The following SNTG2 variants were observed in gnomAD, a reference collection of about 807,000 sequenced individuals.
SNTG2 encodes gamma-2-syntrophin.
In SNTG2, 74 loss-of-function variants were observed where a neutral mutation model predicts 70.9. That is an observed-to-expected ratio of 1.04 (90% confidence interval 0.86 to 1.27). The LOEUF is 1.27. Ranked by LOEUF, SNTG2 falls within the 50% of genes most tolerant of loss-of-function variation. SNTG2 has a pLI of 0.00. For missense variants in SNTG2, 717 were observed against 690.7 expected (o/e 1.04, Z -0.43); for synonymous variants, 278 against 273.8 (o/e 1.02, Z -0.15).
At chr2:1,204,724 C>A (rs1297083776) in intron 8 of SNTG2, among the ~76,000 whole-genome samples, 2 of 152,146 alleles carry the variant, frequency 1.3e-5, no homozygotes, top group Admixed American at 6.5e-5. Context: ...AGTTGTTAAT[C>A]TCTTACGGGG....
intron 14 of SNTG2, among the ~76,000 whole-genome samples, chr2:1,290,330 T>C (rs1251736007): frequency 6.6e-6 from 1 of 151,584 alleles, no homozygotes; most frequent in South Asian, 2.1e-4. Context: ...TTTTTTTTTT[T>C]TTGAGATGAA....
chr2:1,007,012 G>A (rs796235146), intron 1 of SNTG2, among the ~76,000 whole-genome samples: 43 of 151,620 alleles, frequency 2.8e-4, no homozygotes, highest in African/African-American at 8.0e-4. Context: ...CTGGGCAACA[G>A]AGCGAAACTC....
At chr2:997,886 A>G (rs539257225) in intron 1 of SNTG2, among the ~76,000 whole-genome samples, 13 of 152,248 alleles carry the variant, frequency 8.5e-5, no homozygotes, top group African/African-American at 2.9e-4. Flanking sequence ...GAACTACACA[A>G]CCCATTACAA....
At chr2:1,242,714 A>G (rs1677128800) in intron 11 of SNTG2, 2 of 152,142 alleles carry the variant, frequency 1.3e-5, no homozygotes, top group Admixed American at 6.5e-5. Flanking sequence ...CCTAAATAAC[A>G]CAGGTAATTC....
chr2:1,054,321 C>G (rs4327261), intron 1 of SNTG2, among the ~76,000 whole-genome samples: 123,927 of 151,896 alleles, frequency 0.82, 51,171 homozygotes, highest in Middle Eastern at 0.91. Context: ...AGCATCTTCA[C>G]GGCACCAGGA....
intron 4 of SNTG2, among the ~76,000 whole-genome samples, chr2:1,114,496 G>A (rs13397036): frequency 0.034 from 5,136 of 151,416 alleles, 314 homozygotes; most frequent in African/African-American, 0.12. Context: ...GTCCTTTGAG[G>A]AGAATCATGT....
chr2:1,121,211 A>G (rs1667353280), intron 4 of SNTG2, among the ~76,000 whole-genome samples: 1 of 152,138 alleles, frequency 6.6e-6, no homozygotes, highest in South Asian at 2.1e-4. Context: ...TGAGACAAAC[A>G]ACAACAGAAA....
chr2:1,082,483 A>G (rs1477839992), intron 1 of SNTG2, among the ~76,000 whole-genome samples: 3 of 152,152 alleles, frequency 2.0e-5, no homozygotes, highest in Non-Finnish European at 4.4e-5. Flanking sequence ...TCCGTGGGCC[A>G]GGCTCTGCCC....
intron 1 of SNTG2, among the ~76,000 whole-genome samples, chr2:1,073,830 A>T (rs993417567): frequency 2.0e-5 from 3 of 152,228 alleles, no homozygotes; most frequent in Non-Finnish European, 4.4e-5. Context: ...CATTCTTTTC[A>T]TTAACAAATA....
At chr2:1,162,989 A>G (rs73169991) in intron 6 of SNTG2, among the ~76,000 whole-genome samples, 7,602 of 152,266 alleles carry the variant, frequency 0.05, 640 homozygotes, top group African/African-American at 0.17. Flanking sequence ...CAGCCGGCAG[A>G]AGAGGCCTGA....
In SNTG2 at chr2:1,188,583, CAT is replaced by C. The variant is rs747273918; in HGVS notation, c.591+15401_591+15402del. 9.3e-4 allele frequency among the ~76,000 whole-genome samples: 141 copies of C among 152,070 alleles called. 3 individuals are homozygous for C. The highest frequency in any genetic ancestry group is 2.6e-4 in the Non-Finnish European group (18 of 68,002). On this transcript the variant is annotated intron_variant, in intron 8 of 16. Transcript: ENST00000308624. ...TAATAATGAGCAATACCAGAAAACA[CAT>C]GTTAAGACAAAGTGCATTGTTAAAC...
At chr2:1,183,049 C>T (rs910064685) in intron 8 of SNTG2, among the ~76,000 whole-genome samples, 1 of 152,218 alleles carries the variant, frequency 6.6e-6, no homozygotes, top group Non-Finnish European at 1.5e-5. Flanking sequence ...GCCATGGCAC[C>T]TGACCTAATC....
chr2:1,153,064 C>T (rs1176229486), intron 6 of SNTG2, among the ~76,000 whole-genome samples: 1 of 151,258 alleles, frequency 6.6e-6, no homozygotes, highest in Non-Finnish European at 1.5e-5. Flanking sequence ...GCGGAGGTTG[C>T]AGTGAGTCGA....
chr2:1,023,996 G>C (rs1423049895), intron 1 of SNTG2, among the ~76,000 whole-genome samples: 1 of 152,154 alleles, frequency 6.6e-6, no homozygotes, highest in South Asian at 2.1e-4. Context: ...TAGAACAGGG[G>C]TTGGCGAACC....
At chr2:1,332,800 A>T (rs548055171) in intron 16 of SNTG2, among the ~76,000 whole-genome samples, 42 of 152,304 alleles carry the variant, frequency 2.8e-4, no homozygotes, top group Middle Eastern at 3.4e-3. Flanking sequence ...TAGAAAGGAC[A>T]TGACTTTAGG....
At chr2:1,056,197 T>TA (rs60263530) in intron 1 of SNTG2, among the ~76,000 whole-genome samples, 20,158 of 134,094 alleles carry the variant, frequency 0.15, 2,376 homozygotes, top group East Asian at 0.47. Flanking sequence ...TTGAATAAGT[T>TA]AAGGAAAGTG....
chr2:1,250,735 C>A (rs1677706664), intron 12 of SNTG2, among the ~76,000 whole-genome samples: 1 of 151,278 alleles, frequency 6.6e-6, no homozygotes, highest in South Asian at 2.1e-4. Flanking sequence ...CTCTCTTTGT[C>A]TTTCTCTCTG....
intron 1 of SNTG2, among the ~76,000 whole-genome samples, chr2:973,710 C>T (rs1660821313): frequency 6.6e-6 from 1 of 151,972 alleles, no homozygotes; most frequent in Non-Finnish European, 1.5e-5. Context: ...TTCTGTTCTT[C>T]CTTTTTCATT....
intron 9 of SNTG2, among the ~76,000 whole-genome samples, chr2:1,234,715 G>A (rs1279134124): frequency 6.6e-6 from 1 of 152,190 alleles, no homozygotes; most frequent in Non-Finnish European, 1.5e-5. Context: ...CTGCCTCAGG[G>A]GGCAAAGCTG....
Sources: gnomAD v4.1 joint callset for allele counts (sites outside exome capture counted in the v4.1 genomes callset) on GRCh38, gnomAD v4.1.1 for gene constraint, MANE v1.5 for transcripts, NCBI Gene and HGNC (gene_info 2026-07-23, HGNC 2026-07-21) for gene names.